NPC1L1: variants seen among roughly 807,000 people sequenced by gnomAD.
The protein encoded by NPC1L1 is NPC1 like intracellular cholesterol transporter 1.
A neutral mutation model predicts 117.0 loss-of-function variants in NPC1L1; 98 were observed. The observed-to-expected ratio is 0.84, with a 90% CI of 0.71 to 0.99. The LOEUF is 0.99. NPC1L1 is among the 50% of genes least tolerant of loss of function. The pLI, the probability that NPC1L1 is intolerant of heterozygous loss-of-function variation, is 0.00. For missense variants in NPC1L1, 1,540 were observed against 1,710.0 expected, an observed-to-expected ratio of 0.90 and a Z score of 1.75; for synonymous variants, 729 against 727.6, an observed-to-expected ratio of 1.00 and a Z score of -0.03.
At position 44,527,888 on chromosome 7, in the gene NPC1L1, G is replaced by A. The variant is rs114255610; in HGVS notation, c.2637+3867C>T. The stretch of plus-strand genomic sequence containing the variant: ...CGCCCAAGCTGGAGTACAGTGGTAC[G>A]ATCCCAGCTCACTGCAACCTCTACC... On this transcript the variant is annotated intron_variant, in intron 10 of 18. Transcript: ENST00000381160. 6.0e-3 allele frequency among the ~76,000 whole-genome samples: 915 copies of A among 152,216 alleles called. 12 individuals are homozygous for A. Among genetic ancestry groups the A allele is most frequent in the African/African-American group, 0.021 (860 of 41,540 alleles).
intron 11 of NPC1L1, 53 bp downstream of exon 11, chr7:44,521,999 G>T: frequency 4.4e-6 from 7 of 1,601,088 alleles, no homozygotes; most frequent in Non-Finnish European, 5.1e-6. Flanking sequence ...GGAGAGGACT[G>T]GAGGGACTCA....
chr7:44,531,611 G>T, intron 10 of NPC1L1, 144 bp downstream of exon 10: 1 of 693,138 alleles, frequency 1.4e-6, no homozygotes, highest in Non-Finnish European at 2.5e-6. Context: ...CCCCAGGACT[G>T]CTGGAGGTGC....
At chr7:44,529,980 G>A (rs1439388638) in intron 10 of NPC1L1, among the ~76,000 whole-genome samples, 1 of 151,540 alleles carries the variant, frequency 6.6e-6, no homozygotes, top group Non-Finnish European at 1.5e-5. Flanking sequence ...GCTGCAGTAA[G>A]CCGAGTCTGC....
At chr7:44,514,661 C>T (rs1282259259) in intron 18 of NPC1L1, among the ~76,000 whole-genome samples, 1 of 151,198 alleles carries the variant, frequency 6.6e-6, no homozygotes, top group Non-Finnish European at 1.5e-5. Context: ...GAGAGAGACT[C>T]TGTCTAAAAA....
rs200363976 is a variant in NPC1L1 at position 44,538,781 on chromosome 7, A to T, written c.1580+36T>A. 142 of 1,606,426 alleles carry T rather than the reference A, an allele frequency of 8.8e-5. 1 individual carries two copies. In the African/African-American group the frequency reaches 1.7e-3, roughly 19 times the overall value. On this transcript the variant is annotated intron_variant, in intron 2 of 18. Transcript: ENST00000381160. The surrounding 1 kb of genome is among the most constrained non-coding windows in gnomAD (Gnocchi z 5.9). ...GCCATGGCAGCCCAGCCCCAGCCCC[A>T]GCCCACTCCTCGCTTGGGCCCCACC... is the stretch of plus-strand genomic sequence containing the variant.
At chr7:44,525,259 T>C (rs538132738) in intron 10 of NPC1L1, among the ~76,000 whole-genome samples, 13 of 152,162 alleles carry the variant, frequency 8.5e-5, no homozygotes, top group African/African-American at 2.9e-4. Context: ...CCAACGGATA[T>C]TATAATTTTT....
At chr7:44,516,998 C>T (rs1801211111) in intron 15 of NPC1L1, 64 bp from the exon 16 acceptor site, 2 of 1,507,966 alleles carry the variant, frequency 1.3e-6, no homozygotes, top group South Asian at 1.1e-5. Context: ...GGGTGGGACA[C>T]CCCACTTCAG....
chr7:44,535,801 T>C, intron 5 of NPC1L1, 39 bp downstream of exon 5: 6 of 1,611,702 alleles, frequency 3.7e-6, no homozygotes, highest in Non-Finnish European at 5.1e-6. Flanking sequence ...CCTGGGGTCC[T>C]GGGCTAGCCC....
In NPC1L1 at chr7:44,538,933, G is replaced by C; in HGVS notation, c.1464C>G (p.Asn488Lys). The change falls in exon 2 of 19, where the codon AAC becomes AAG. Residue 488 changes from asparagine to lysine, a missense_variant. Physicochemically the swap from Asn to Lys is moderately conservative, Grantham distance 94. Transcript: ENST00000381160. This position sits in a 1 kb window ranked among gnomAD's most constrained non-coding sequence, Gnocchi z 5.9. ...TGTTCTGGAAATACTGCAGGAGGCTGTTGATGCAGCAGTCGTAGAGACTGG... is the reference window on the plus strand; with the variant it reads ...TGTTCTGGAAATACTGCAGGAGGCTCTTGATGCAGCAGTCGTAGAGACTGG... The part of the protein sequence containing the change: ...DNTSLYDCCI[N>K]SLLQYFQNNR... 1 of 1,614,254 alleles carries C rather than the reference G, an allele frequency of 6.2e-7. No homozygotes were observed. The highest frequency in any genetic ancestry group is 8.5e-7 in the Non-Finnish European group (1 of 1,180,042).
chr7:44,521,777 G>C lies in NPC1L1; in HGVS notation c.2888C>G (p.Pro963Arg). The C allele has an allele frequency of 1.2e-6, 2 of 1,614,142 alleles. No individual in the cohort carries two copies. The highest frequency in any genetic ancestry group is 1.7e-6 in the Non-Finnish European group (2 of 1,180,020). Residue 963 changes from proline (P) to arginine (R), a missense_variant, in exon 12 of 19, where the codon CCG becomes CGG. Transcript: ENST00000381160. Reference protein sequence around the residue: ...WVDDFIDWLTPSSCCRLYISG... With the variant: ...WVDDFIDWLTRSSCCRLYISG... The stretch of plus-strand genomic sequence containing the variant: ...TATATAAAGGCGGCAGCAGGAGGAC[G>C]GGGTCAGCCAGTCAATGAAGTCATC...
At chr7:44,518,008 TG>T (rs1201420312) in intron 14 of NPC1L1, among the ~76,000 whole-genome samples, 1 of 150,634 alleles carries the variant, frequency 6.6e-6, no homozygotes, top group African/African-American at 2.4e-5. Context: ...CCCAGCTACT[TG>T]GGGGGCTGAG....
Position 44,536,926 on chromosome 7 carries a change from T to G in NPC1L1, c.1597A>C (p.Lys533Gln). The G allele has an allele frequency of 6.2e-7, 1 of 1,613,944 alleles. No homozygotes were observed. Among genetic ancestry groups the G allele is most frequent in the Non-Finnish European group, 8.5e-7 (1 of 1,179,918 alleles). The change falls in exon 3 of 19, where the codon AAG (lysine) becomes CAG (glutamine). Residue 533 changes from lysine (K) to glutamine (Q), a missense_variant. Around this residue, in one of 3 missense-constraint regions of NPC1L1, gnomAD observed 793 missense variants for 820.4 expected, o/e 0.97. Transcript: ENST00000381160. This position sits in a 1 kb window ranked among gnomAD's most constrained non-coding sequence, Gnocchi z 4.7. Reference sequence around the variant, plus strand: ...CTCAGGGCCAGGGCTGTGCCATCCTTGAAGGTGAGCGGGGCACTAGAGGGA... The same window carrying G: ...CTCAGGGCCAGGGCTGTGCCATCCTGGAAGGTGAGCGGGGCACTAGAGGGA... ...LYCANAPLTF[K>Q]DGTALALSCM...
Position 44,536,856 on chromosome 7 carries a change from A to G in NPC1L1, c.1667T>C (p.Ile556Thr), listed in dbSNP as rs768603284. 7.4e-6 allele frequency: 12 copies of G among 1,613,170 alleles called. No homozygotes were observed. The highest frequency in any genetic ancestry group is 2.7e-5 in the African/African-American group (2 of 74,990). Reference sequence around the variant, plus strand: ...ACTTAGCTTACCTTTGTACCCCCCAATGGCAAGGAAGGGGAAGACAGGGGC... The same window carrying G: ...ACTTAGCTTACCTTTGTACCCCCCAGTGGCAAGGAAGGGGAAGACAGGGGC... ...YGAPVFPFLA[I>T]GGYKGKDYSE... The change falls in exon 3 of 19, where the codon ATT becomes ACT. Residue 556 changes from isoleucine to threonine, a missense_variant. Physicochemically the swap from Ile to Thr is moderately conservative, Grantham distance 89. Around this residue, in one of 3 missense-constraint regions of NPC1L1, gnomAD observed 793 missense variants for 820.4 expected, o/e 0.97. Transcript: ENST00000381160. The surrounding 1 kb of genome is among the most constrained non-coding windows in gnomAD (Gnocchi z 4.7).
At position 44,516,932 on chromosome 7, in the gene NPC1L1, A is replaced by T; in HGVS notation, c.3290T>A (p.Ile1097Asn). Residue 1097 changes from isoleucine (I) to asparagine (N), a missense_variant and splice_region_variant, in exon 16 of 19, where the codon ATC becomes AAC. Coordinates refer to ENST00000381160, the MANE Select transcript of NPC1L1 (RefSeq NM_001101648.2). Reference sequence around the variant, plus strand: ...GTACTGCTCATAAAACACATTGGTGATCCTGCCAGAGCACAGAGCATGGTC... The same window carrying T: ...GTACTGCTCATAAAACACATTGGTGTTCCTGCCAGAGCACAGAGCATGGTC... ...DPAFEVFPYT[I>N]TNVFYEQYLT... 6.2e-7 allele frequency: 1 copy of T among 1,612,356 alleles called. No individual in the cohort carries two copies. Among genetic ancestry groups the T allele is most frequent in the Non-Finnish European group, 8.5e-7 (1 of 1,179,434 alleles).
chr7:44,528,625 T>A (rs1801599679), intron 10 of NPC1L1, among the ~76,000 whole-genome samples: 1 of 151,990 alleles, frequency 6.6e-6, no homozygotes. Context: ...CTAGTAGCAA[T>A]CAACTAAGCA....
In NPC1L1 at chr7:44,536,790, T is replaced by C. The variant is rs148979806; in HGVS notation, c.1681+52A>G. On this transcript the variant is annotated intron_variant, in intron 3 of 18. Coordinates refer to ENST00000381160, the MANE Select transcript of NPC1L1 (RefSeq NM_001101648.2). This position sits in a 1 kb window ranked among gnomAD's most constrained non-coding sequence, Gnocchi z 4.7. Reference sequence around the variant, plus strand: ...CTCCCACCCTCCCGTCTATGGTTCCTGCCCCAATACTGCATCTTCCTTGGC... The same window carrying C: ...CTCCCACCCTCCCGTCTATGGTTCCCGCCCCAATACTGCATCTTCCTTGGC... 7.3e-4 allele frequency: 1,081 copies of C among 1,477,512 alleles called. 9 individuals are homozygous for C. In the African/African-American group the frequency reaches 0.013, roughly 17 times the overall value. The allele number at this position is 1,477,512 out of a possible 1,614,324, so 91.5% of individuals were successfully genotyped here. A position where few individuals can be genotyped will look rare whatever the true frequency, so the allele number is the denominator to read the frequency against.
rs142671854 is a variant in NPC1L1 at position 44,521,015 on chromosome 7, C to T, written c.3057G>A (p.Arg1019=). Reference sequence around the variant, plus strand: ...ACCCTTTGGGACATTTGATGTTGGGCCGGTCGTTCAGGAACCAGGGAAGAT... The same window carrying T: ...ACCCTTTGGGACATTTGATGTTGGGTCGGTCGTTCAGGAACCAGGGAAGAT... The part of the protein sequence containing the change: ...HKYLPWFLND[R]PNIKCPKGGL... Residue 1019 remains arginine (R), a synonymous_variant, in exon 13 of 19, where the codon CGG becomes CGA. Transcript: ENST00000381160. 21 of 1,614,040 alleles carry T rather than the reference C, an allele frequency of 1.3e-5. No individual in the cohort carries two copies. The highest frequency in any genetic ancestry group is 1.6e-5 in the Non-Finnish European group (19 of 1,180,034).
chr7:44,540,210 C>T lies in NPC1L1; in HGVS notation c.187G>A (p.Ala63Thr). ...AGGTGATCACCTGTGATCTTGCGGG[C>T]CGGCGTGTTGGACAGGCAGGACACG... ...SNVSCLSNTP[A>T]RKITGDHLIL... The change falls in exon 2 of 19, where the codon GCC becomes ACC. Residue 63 changes from alanine to threonine, a missense_variant. Around this residue, in one of 3 missense-constraint regions of NPC1L1, gnomAD observed 793 missense variants for 820.4 expected, o/e 0.97. Coordinates refer to ENST00000381160, the MANE Select transcript of NPC1L1 (RefSeq NM_001101648.2). 1 of 1,614,008 alleles carries T rather than the reference C, an allele frequency of 6.2e-7. No homozygotes were observed. Among genetic ancestry groups the T allele is most frequent in the Non-Finnish European group, 8.5e-7 (1 of 1,180,002 alleles).
At chr7:44,525,381 C>A (rs914836139) in intron 10 of NPC1L1, among the ~76,000 whole-genome samples, 26 of 152,142 alleles carry the variant, frequency 1.7e-4, no homozygotes, top group African/African-American at 5.6e-4. Context: ...CCTCAGCCTC[C>A]CAAGTATCTT....
Sources: gnomAD v4.1 joint callset for allele counts (sites outside exome capture counted in the v4.1 genomes callset) on GRCh38, gnomAD v4.1.1 for gene constraint, gnomAD v4.1.1 regional missense constraint, Gnocchi (gnomAD v3.1) non-coding constraint, MANE v1.5 for transcripts, NCBI Gene and HGNC (gene_info 2026-07-23, HGNC 2026-07-21) for gene names.